WWOX: variants seen among roughly 807,000 people sequenced by gnomAD.
WWOX encodes WW domain-containing oxidoreductase.
A neutral mutation model predicts 46.2 loss-of-function variants in WWOX; 69 were observed. The ratio of observed to expected loss-of-function variants is 1.49; its 90% CI spans 1.23 to 1.82. The LOEUF (loss-of-function observed/expected upper bound fraction) is 1.82, where lower values mean the gene tolerates loss of function less well. WWOX is among the 40% of genes most tolerant of loss of function. The probability of loss-of-function intolerance (pLI) is 0.00; values close to 1 mark genes in which losing one functional copy is unlikely to be tolerated. For synonymous variants in WWOX, 359 were observed against 202.6 expected (o/e 1.77, Z -6.56); for missense variants, 919 against 542.6 (o/e 1.69, Z -6.89).
At chr16:78,445,622 G>C (rs4566181) in intron 8 of WWOX, among the ~76,000 whole-genome samples, 23,819 of 152,124 alleles carry the variant, frequency 0.16, 2,408 homozygotes, top group East Asian at 0.3. Flanking sequence ...AAAACAAATA[G>C]GCAAACAGGT....
chr16:78,888,173 T>G (rs953867490), intron 8 of WWOX, among the ~76,000 whole-genome samples: 14 of 152,210 alleles, frequency 9.2e-5, no homozygotes, highest in African/African-American at 3.4e-4. Context: ...GTGAGCTCCT[T>G]AAAGATGCTG....
chr16:78,899,573 A>G (rs528373472), intron 8 of WWOX: 6 of 152,334 alleles, frequency 3.9e-5, no homozygotes, highest in East Asian at 3.9e-4. Flanking sequence ...GTCCTGAGAA[A>G]CACTCATCCT....
chr16:78,296,683 A>T (rs974108721), intron 5 of WWOX, among the ~76,000 whole-genome samples: 18 of 152,112 alleles, frequency 1.2e-4, no homozygotes, highest in African/African-American at 4.3e-4. Flanking sequence ...AGCTTATGAG[A>T]TGATTTTATT....
At chr16:78,673,980 T>C (rs1381392623) in intron 8 of WWOX, among the ~76,000 whole-genome samples, 1 of 152,106 alleles carries the variant, frequency 6.6e-6, no homozygotes, top group African/African-American at 2.4e-5. Context: ...AAGTACTAGC[T>C]TGGAGAAGTT....
intron 8 of WWOX, among the ~76,000 whole-genome samples, chr16:78,861,753 T>C (rs572160859): frequency 6.6e-6 from 1 of 152,314 alleles, no homozygotes; most frequent in East Asian, 1.9e-4. Flanking sequence ...TTCCTTCTTT[T>C]GATTTTTCAA....
chr16:78,880,931 A>C (rs182984161), intron 8 of WWOX, among the ~76,000 whole-genome samples: 13 of 144,514 alleles, frequency 9.0e-5, no homozygotes, highest in African/African-American at 3.3e-4. Flanking sequence ...TTTTCCAAGC[A>C]CTTTTTTTTT....
At chr16:78,856,219 G>C (rs2052562850) in intron 8 of WWOX, among the ~76,000 whole-genome samples, 1 of 152,146 alleles carries the variant, frequency 6.6e-6, no homozygotes, top group South Asian at 2.1e-4. Context: ...AAAATGATAA[G>C]GATTTAGGCA....
At position 79,052,990 on chromosome 16, in the gene WWOX, G is replaced by A. The variant is rs544089274; in HGVS notation, c.1057-158618G>A. Among the ~76,000 whole-genome samples, 5 of 149,284 alleles carry A rather than the reference G, an allele frequency of 3.3e-5. No individual in the cohort carries two copies. In the South Asian group the frequency reaches 1.1e-3, roughly 32 times the overall value. ...TGGGGGTTGGGATGGGGGGGTGGGTGGAGGGTCAGAGAGGTGGCAAAAGCA... is the reference window on the plus strand; with the variant it reads ...TGGGGGTTGGGATGGGGGGGTGGGTAGAGGGTCAGAGAGGTGGCAAAAGCA... On this transcript the variant is annotated intron_variant, in intron 8 of 8. Coordinates refer to ENST00000566780, the MANE Select transcript of WWOX (RefSeq NM_016373.4).
At chr16:79,135,542 T>C (rs1345766690) in intron 8 of WWOX, among the ~76,000 whole-genome samples, 3 of 152,238 alleles carry the variant, frequency 2.0e-5, no homozygotes, top group Non-Finnish European at 4.4e-5. Flanking sequence ...GCATTTCAGC[T>C]TATACCTTGA....
intron 4 of WWOX, among the ~76,000 whole-genome samples, chr16:78,127,936 T>C (rs897958290): frequency 3.9e-5 from 6 of 152,214 alleles, no homozygotes; most frequent in Non-Finnish European, 7.4e-5. Flanking sequence ...TGAGCCTTAA[T>C]TTCCTCGTTT....
At chr16:79,112,922 C>G (rs994018303) in intron 8 of WWOX, among the ~76,000 whole-genome samples, 2 of 152,186 alleles carry the variant, frequency 1.3e-5, no homozygotes, top group South Asian at 4.1e-4. Context: ...CTCAGCACAG[C>G]TGAAAACCAC....
chr16:78,681,213 C>G (rs1416981655), intron 8 of WWOX, among the ~76,000 whole-genome samples: 1 of 151,992 alleles, frequency 6.6e-6, no homozygotes. Flanking sequence ...CATGCCACAG[C>G]CTGGGCAACA....
chr16:78,766,470 C>T (rs2049927232), intron 8 of WWOX, among the ~76,000 whole-genome samples: 1 of 152,146 alleles, frequency 6.6e-6, no homozygotes, highest in African/African-American at 2.4e-5. Flanking sequence ...TCCGTGTAGT[C>T]CCAGCTATTC....
chr16:78,934,908 T>C (rs2045704182), intron 8 of WWOX, among the ~76,000 whole-genome samples: 1 of 152,294 alleles, frequency 6.6e-6, no homozygotes, highest in Non-Finnish European at 1.5e-5. Context: ...GAGACCAGCC[T>C]GAGCAACATG....
chr16:78,516,663 C>G (rs541302630), intron 8 of WWOX, among the ~76,000 whole-genome samples: 2 of 152,158 alleles, frequency 1.3e-5, no homozygotes, highest in Non-Finnish European at 2.9e-5. Context: ...ACCCTTCACA[C>G]GTGCCTGCAG....
chr16:78,941,539 G>A (rs1487440119), intron 8 of WWOX, among the ~76,000 whole-genome samples: 1 of 151,984 alleles, frequency 6.6e-6, no homozygotes, highest in African/African-American at 2.4e-5. Context: ...TGAAGCTGGG[G>A]ACGGGGGGAT....
At chr16:79,204,664 C>G (rs1013295091) in intron 8 of WWOX, 1 of 152,236 alleles carries the variant, frequency 6.6e-6, no homozygotes, top group Non-Finnish European at 1.5e-5. Flanking sequence ...TGAGAGCGTA[C>G]CAAGGTCACC....
intron 8 of WWOX, among the ~76,000 whole-genome samples, chr16:79,157,075 A>C (rs2050395990): frequency 6.6e-6 from 1 of 152,246 alleles, no homozygotes; most frequent in African/African-American, 2.4e-5. Flanking sequence ...TACTTATATT[A>C]ACTTGAGAGA....
intron 8 of WWOX, among the ~76,000 whole-genome samples, chr16:78,679,888 C>T (rs143132340): frequency 4.5e-4 from 69 of 152,328 alleles, no homozygotes; most frequent in African/African-American, 1.6e-3. Context: ...GGGCTCTGAG[C>T]AGCAGCTTCC....
Sources: allele counts gnomAD v4.1 joint callset (sites outside exome capture counted in the v4.1 genomes callset), GRCh38; gene constraint gnomAD v4.1.1; transcripts MANE v1.5; gene names NCBI Gene and HGNC (gene_info 2026-07-23, HGNC 2026-07-21).